LHFPL3: variants seen among roughly 807,000 people sequenced by gnomAD.
LHFPL3 encodes LHFPL tetraspan subfamily member 3 protein.
In LHFPL3, 5 loss-of-function variants were observed where a neutral mutation model predicts 19.3. That is an observed-to-expected ratio of 0.26 (90% CI 0.14 to 0.54). The LOEUF (loss-of-function observed/expected upper bound fraction) is 0.54. Ranked by LOEUF, LHFPL3 falls within the 20% of genes least tolerant of loss-of-function variation. The probability of loss-of-function intolerance (pLI) is 0.94; values close to 1 mark genes in which losing one functional copy is unlikely to be tolerated. For missense variants in LHFPL3, 249 were observed against 307.4 expected (o/e 0.81, Z 1.42); for synonymous variants, 133 against 126.2 (o/e 1.05, Z -0.36).
chr7:104,635,514 A>G (rs972050224), intron 1 of LHFPL3, among the ~76,000 whole-genome samples: 2 of 152,228 alleles, frequency 1.3e-5, no homozygotes, highest in South Asian at 2.1e-4. Context: ...CTGGAAGACA[A>G]TAGAACAATA....
Position 104,521,622 on chromosome 7 carries a change from T to A in LHFPL3, c.445+192398T>A, listed in dbSNP as rs532108651. ...AGGCAACCTACAAAATGGGAGAAAA[T>A]TTTTGCAACCTACTCATCTGACAAA... On this transcript the variant is annotated intron_variant, in intron 1 of 2. Transcript: ENST00000424859. Among the ~76,000 whole-genome samples the A allele has an allele frequency of 7.3e-5, 11 of 151,724 alleles. No homozygotes were observed. In the East Asian group the frequency reaches 1.9e-3, roughly 27 times the overall value.
chr7:104,662,452 G>T (rs1222758378), intron 1 of LHFPL3, among the ~76,000 whole-genome samples: 1 of 152,110 alleles, frequency 6.6e-6, no homozygotes, highest in South Asian at 2.1e-4. Context: ...TGAAGACACT[G>T]AGAACAATGA....
At chr7:104,665,263 C>T (rs1305193671) in intron 1 of LHFPL3, among the ~76,000 whole-genome samples, 1 of 152,108 alleles carries the variant, frequency 6.6e-6, no homozygotes, top group African/African-American at 2.4e-5. Flanking sequence ...TCTATAATTA[C>T]TTCTTGGCTT....
intron 2 of LHFPL3, among the ~76,000 whole-genome samples, chr7:104,898,680 C>T (rs186492029): frequency 2.0e-5 from 3 of 152,182 alleles, no homozygotes; most frequent in East Asian, 1.9e-4. Flanking sequence ...AAGGGCCAGG[C>T]GCGGTGGTTC....
chr7:104,558,758 C>A (rs1789919601), intron 1 of LHFPL3, among the ~76,000 whole-genome samples: 1 of 148,612 alleles, frequency 6.7e-6, no homozygotes, highest in Non-Finnish European at 1.5e-5. Context: ...CTTGCCCATG[C>A]CTATGTCCTG....
chr7:104,690,489 T>TGGATCCAGGATAGTG (rs1792886989), intron 1 of LHFPL3, among the ~76,000 whole-genome samples: 3 of 152,338 alleles, frequency 2.0e-5, no homozygotes, highest in Admixed American at 1.3e-4. Flanking sequence ...TCCATTACAT[T>TGGATCCAGGATAGTG]GATGACATTA....
At chr7:104,756,478 T>A (rs998740200) in intron 2 of LHFPL3, among the ~76,000 whole-genome samples, 1 of 152,156 alleles carries the variant, frequency 6.6e-6, no homozygotes, top group African/African-American at 2.4e-5. Flanking sequence ...CTATATTACA[T>A]TTTAAGCACG....
At chr7:104,627,672 A>G (rs1490758437) in intron 1 of LHFPL3, among the ~76,000 whole-genome samples, 1 of 152,180 alleles carries the variant, frequency 6.6e-6, no homozygotes, top group Non-Finnish European at 1.5e-5. Context: ...TCGTGAAGAT[A>G]CCATCCCTGT....
At chr7:104,789,707 G>C (rs1424000617) in intron 2 of LHFPL3, among the ~76,000 whole-genome samples, 1 of 152,018 alleles carries the variant, frequency 6.6e-6, no homozygotes, top group African/African-American at 2.4e-5. Context: ...ACATAATGTA[G>C]CCATCCATTC....
intron 1 of LHFPL3, among the ~76,000 whole-genome samples, chr7:104,333,045 T>TA (rs1801601126): frequency 1.3e-5 from 2 of 152,278 alleles, no homozygotes; most frequent in Non-Finnish European, 2.9e-5. Context: ...TCCAGATTTT[T>TA]AAAAAATCAG....
At chr7:104,797,518 C>T (rs1790156155) in intron 2 of LHFPL3, among the ~76,000 whole-genome samples, 1 of 152,140 alleles carries the variant, frequency 6.6e-6, no homozygotes, top group African/African-American at 2.4e-5. Flanking sequence ...GAGCAGAGCC[C>T]CCAGTCAGCC....
intron 1 of LHFPL3, among the ~76,000 whole-genome samples, chr7:104,438,154 T>G (rs144680691): frequency 8.3e-4 from 127 of 152,292 alleles, no homozygotes; most frequent in African/African-American, 2.8e-3. Flanking sequence ...CTAAGAGTTT[T>G]AGGAGCTCTG....
chr7:104,558,753 C>A (rs1789919373), intron 1 of LHFPL3, among the ~76,000 whole-genome samples: 1 of 148,896 alleles, frequency 6.7e-6, no homozygotes, highest in Non-Finnish European at 1.5e-5. Context: ...AAGTCCTTGC[C>A]CATGCCTATG....
intron 1 of LHFPL3, among the ~76,000 whole-genome samples, chr7:104,548,272 A>G (rs546295740): frequency 6.6e-6 from 1 of 152,216 alleles, no homozygotes; most frequent in Admixed American, 6.5e-5. Flanking sequence ...TGTGTACACA[A>G]GCACATAAAT....
At chr7:104,474,092 T>A (rs995709169) in intron 1 of LHFPL3, among the ~76,000 whole-genome samples, 1 of 152,164 alleles carries the variant, frequency 6.6e-6, no homozygotes, top group Non-Finnish European at 1.5e-5. Flanking sequence ...ACACATGTGA[T>A]CTACTCAGTG....
At position 104,328,968 on chromosome 7, in the gene LHFPL3, C is replaced by A. The variant is rs1396181555; in HGVS notation, c.189C>A (p.Asp63Glu). Residue 63 changes from aspartate to glutamate, a missense_variant, in exon 1 of 3, where the codon GAC (aspartate) becomes GAA (glutamate). Coordinates refer to ENST00000424859, the MANE Select transcript of LHFPL3 (RefSeq NM_199000.3). The surrounding 1 kb of genome is among the most constrained non-coding windows in gnomAD (Gnocchi z 4.6). ...VCFIQPYWIGDGVDTPQAGYF... is the reference protein window; with the variant it reads ...VCFIQPYWIGEGVDTPQAGYF... ...TCATCCAGCCCTACTGGATAGGCGA[C>A]GGCGTGGACACCCCGCAAGCCGGCT... The A allele has an allele frequency of 6.2e-7, 1 of 1,614,180 alleles. No homozygotes were observed.
chr7:104,609,582 C>T (rs1471134879), intron 1 of LHFPL3, among the ~76,000 whole-genome samples: 2 of 151,994 alleles, frequency 1.3e-5, no homozygotes, highest in South Asian at 2.1e-4. Flanking sequence ...ATATAAAAAC[C>T]CAGGAGAATT....
chr7:104,495,597 A>C (rs550937011), intron 1 of LHFPL3, among the ~76,000 whole-genome samples: 2 of 152,182 alleles, frequency 1.3e-5, no homozygotes, highest in African/African-American at 2.4e-5. Context: ...GTTAGCCAGG[A>C]TGGTCTCCAT....
chr7:104,608,470 G>C (rs1418680626), intron 1 of LHFPL3, among the ~76,000 whole-genome samples: 2 of 134,492 alleles, frequency 1.5e-5, no homozygotes, highest in African/African-American at 5.6e-5. Flanking sequence ...CACAGGAAGG[G>C]GAACATCACA....
Sources: gnomAD v4.1 joint callset for allele counts (sites outside exome capture counted in the v4.1 genomes callset) on GRCh38, gnomAD v4.1.1 for gene constraint, Gnocchi (gnomAD v3.1) non-coding constraint, MANE v1.5 for transcripts, NCBI Gene and HGNC (gene_info 2026-07-23, HGNC 2026-07-21) for gene names.